KPNA3: variants seen among roughly 807,000 people sequenced by gnomAD.
KPNA3 encodes the protein karyopherin subunit alpha 3, also known as importin subunit alpha-4.
In KPNA3, 13 loss-of-function variants were observed where a neutral mutation model predicts 73.8. The ratio of observed to expected loss-of-function variants is 0.18; its 90% CI spans 0.11 to 0.28. The LOEUF (loss-of-function observed/expected upper bound fraction) is 0.28. Ranked by LOEUF, KPNA3 falls within the 10% of genes least tolerant of loss-of-function variation. KPNA3 has a pLI of 1.00. For missense variants in KPNA3, 360 were observed against 618.1 expected (o/e 0.58, Z 4.43); for synonymous variants, 186 against 206.9 (o/e 0.90, Z 0.87).
intron 7 of KPNA3, among the ~76,000 whole-genome samples, chr13:49,724,901 G>A (rs565123355): frequency 1.1e-4 from 16 of 152,182 alleles, no homozygotes; most frequent in Non-Finnish European, 2.2e-4. Flanking sequence ...GGTCTGGTGA[G>A]AATAGTATTC....
intron 2 of KPNA3, among the ~76,000 whole-genome samples, chr13:49,735,256 G>C (rs796755766): frequency 6.6e-6 from 1 of 152,222 alleles, no homozygotes; most frequent in East Asian, 1.9e-4. Context: ...CTGAATAGCT[G>C]GGATTACAGG....
At chr13:49,747,601 G>A (rs1321172663) in intron 1 of KPNA3, among the ~76,000 whole-genome samples, 1 of 152,164 alleles carries the variant, frequency 6.6e-6, no homozygotes, top group African/African-American at 2.4e-5. Flanking sequence ...CTCAAGAATC[G>A]CTTGAACCTG....
chr13:49,715,813 T>G (rs1954299052), intron 10 of KPNA3, among the ~76,000 whole-genome samples: 1 of 152,152 alleles, frequency 6.6e-6, no homozygotes, highest in Non-Finnish European at 1.5e-5. Flanking sequence ...AAGATATACC[T>G]CCAATAATAT....
At chr13:49,778,206 C>T (rs2137600851) in intron 1 of KPNA3, among the ~76,000 whole-genome samples, 1 of 152,320 alleles carries the variant, frequency 6.6e-6, no homozygotes, top group African/African-American at 2.4e-5. Flanking sequence ...GAAGTTCAGT[C>T]TAAAGGTTTC....
intron 1 of KPNA3, among the ~76,000 whole-genome samples, chr13:49,780,509 T>C (rs1233770979): frequency 6.6e-6 from 1 of 152,096 alleles, no homozygotes; most frequent in Non-Finnish European, 1.5e-5. Context: ...ACTCCCCATC[T>C]GAGACCTTGA....
chr13:49,751,466 A>G (rs1954662580), intron 1 of KPNA3, among the ~76,000 whole-genome samples: 1 of 152,092 alleles, frequency 6.6e-6, no homozygotes. Context: ...ATTTTCCACA[A>G]TGCAGCCGGG....
intron 2 of KPNA3, among the ~76,000 whole-genome samples, chr13:49,744,892 A>G (rs1236855873): frequency 2.6e-5 from 4 of 152,180 alleles, no homozygotes; most frequent in African/African-American, 9.7e-5. Flanking sequence ...CACTTAGAAA[A>G]AATAAGCTAA....
chr13:49,703,120 G>T (rs1011225667), intron 15 of KPNA3, among the ~76,000 whole-genome samples: 2 of 151,266 alleles, frequency 1.3e-5, no homozygotes, highest in African/African-American at 4.9e-5. Flanking sequence ...TGCCCACCTC[G>T]GCCTCCCAAA....
intron 15 of KPNA3, among the ~76,000 whole-genome samples, chr13:49,702,788 C>A (rs1333514633): frequency 6.6e-6 from 1 of 152,210 alleles, no homozygotes; most frequent in African/African-American, 2.4e-5. Flanking sequence ...TGTAAAGAGA[C>A]TTATTTCAAG....
At chr13:49,762,231 G>T (rs1253883189) in intron 1 of KPNA3, among the ~76,000 whole-genome samples, 1 of 149,052 alleles carries the variant, frequency 6.7e-6, no homozygotes, top group African/African-American at 2.5e-5. Context: ...CAGCCGCCCC[G>T]TCGCGGAGGG....
At position 49,702,409 on chromosome 13, in the gene KPNA3, C is replaced by G; in HGVS notation, c.1444G>C (p.Asp482His). The G allele has an allele frequency of 6.5e-7, 1 of 1,528,626 alleles. No homozygotes were observed. Among genetic ancestry groups the G allele is most frequent in the Non-Finnish European group, 9.0e-7 (1 of 1,107,910 alleles). The allele number at this position is 1,528,626 out of a possible 1,614,324, so 94.7% of individuals were successfully genotyped here. A position where few individuals can be genotyped will look rare whatever the true frequency, so the allele number is the denominator to read the frequency against. ...DIYKLAFEIIDQYFSGDDIDE... is the reference protein window; with the variant it reads ...DIYKLAFEIIHQYFSGDDIDE... ...ACATCATCACCAGAGAAATACTGAT[C>G]TATGATTTCAAATGCTAATTTATAT... The change falls in exon 16 of 17, where the codon GAT becomes CAT. Residue 482 changes from aspartate to histidine, a missense_variant. This residue lies in a region of KPNA3 where 287 missense variants were observed against 549.1 expected (regional missense o/e 0.52). Coordinates refer to ENST00000261667, the MANE Select transcript of KPNA3 (RefSeq NM_002267.4).
chr13:49,706,905 C>T (rs564441679), intron 12 of KPNA3, among the ~76,000 whole-genome samples: 2 of 152,162 alleles, frequency 1.3e-5, no homozygotes, highest in African/African-American at 2.4e-5. Context: ...CCTGTCACCA[C>T]GCCCAGCTAA....
At chr13:49,791,627 A>G (rs1955033558) in intron 1 of KPNA3, among the ~76,000 whole-genome samples, 1 of 152,202 alleles carries the variant, frequency 6.6e-6, no homozygotes. Context: ...AAAACGTGTC[A>G]AAGAAATTAT....
At chr13:49,769,133 ATCTATAGG>A (rs1954833367) in intron 1 of KPNA3, among the ~76,000 whole-genome samples, 1 of 151,262 alleles carries the variant, frequency 6.6e-6, no homozygotes, top group Non-Finnish European at 1.5e-5. Flanking sequence ...TATCATTGTT[ATCTATAGG>A]AAGGTAACTC....
chr13:49,730,930 C>G (rs1477437089), intron 6 of KPNA3, among the ~76,000 whole-genome samples: 1 of 151,558 alleles, frequency 6.6e-6, no homozygotes, highest in African/African-American at 2.4e-5. Context: ...GCGCCTGCCA[C>G]CACGCCCGGC....
At chr13:49,705,043 G>A (rs1031450582) in intron 15 of KPNA3, among the ~76,000 whole-genome samples, 5 of 152,166 alleles carry the variant, frequency 3.3e-5, no homozygotes, top group African/African-American at 1.2e-4. Flanking sequence ...GTGACTTCAA[G>A]AGAAGTATTA....
At chr13:49,782,361 G>A (rs758911193) in intron 1 of KPNA3, among the ~76,000 whole-genome samples, 17 of 152,052 alleles carry the variant, frequency 1.1e-4, no homozygotes, top group Non-Finnish European at 1.5e-4. Flanking sequence ...CCTCAAGTAT[G>A]ACCTTCTGTG....
chr13:49,725,003 A>G (rs1441128039), intron 7 of KPNA3, among the ~76,000 whole-genome samples: 1 of 152,238 alleles, frequency 6.6e-6, no homozygotes, highest in African/African-American at 2.4e-5. Context: ...AGTGTCCCAT[A>G]CTATAATAAC....
At chr13:49,761,691 T>C (rs1366725676) in intron 1 of KPNA3, among the ~76,000 whole-genome samples, 24 of 143,664 alleles carry the variant, frequency 1.7e-4, no homozygotes, top group African/African-American at 3.9e-4. Flanking sequence ...CGTCTCTGCC[T>C]GGCCGCCCAT....
Sources: allele counts gnomAD v4.1 joint callset (sites outside exome capture counted in the v4.1 genomes callset), GRCh38; gene constraint gnomAD v4.1.1; regional missense constraint gnomAD v4.1.1; transcripts MANE v1.5; gene names NCBI Gene and HGNC (gene_info 2026-07-23, HGNC 2026-07-21).